GFPT2: variants seen among roughly 807,000 people sequenced by gnomAD.
GFPT2 encodes glutamine--fructose-6-phosphate transaminase 2, also known as glutamine--fructose-6-phosphate aminotransferase [isomerizing] 2.
GFPT2 carries 62 observed loss-of-function variants against 85.6 expected under a neutral mutation model. The ratio of observed to expected loss-of-function variants is 0.72; its 90% CI spans 0.59 to 0.90. The LOEUF (loss-of-function observed/expected upper bound fraction) is 0.90, where lower values mean the gene tolerates loss of function less well. GFPT2 is among the 40% of genes least tolerant of loss of function. The pLI is 0.00. For synonymous variants in GFPT2, 368 were observed against 344.5 expected (o/e 1.07, Z -0.75); for missense variants, 788 against 893.4 (o/e 0.88, Z 1.50).
chr5:180,345,572 T>C (rs1321339801), intron 1 of GFPT2, among the ~76,000 whole-genome samples: 1 of 152,268 alleles, frequency 6.6e-6, no homozygotes, highest in Non-Finnish European at 1.5e-5. Flanking sequence ...TCCAGCCACA[T>C]AGCCCTGGTT....
intron 10 of GFPT2, among the ~76,000 whole-genome samples, chr5:180,317,628 G>A (rs573203548): frequency 3.5e-5 from 5 of 144,188 alleles, no homozygotes; most frequent in Admixed American, 2.7e-4. Context: ...GCGTAGTGGC[G>A]GGCGCCTGTA....
intron 14 of GFPT2, among the ~76,000 whole-genome samples, chr5:180,313,267 G>A (rs957663575): frequency 8.6e-5 from 13 of 152,016 alleles, no homozygotes; most frequent in Non-Finnish European, 1.8e-4. Context: ...CGAAACACAG[G>A]AACGTGGCAT....
intron 3 of GFPT2, 76 bp downstream of exon 3, chr5:180,336,403 C>T (rs533479328): frequency 2.2e-5 from 18 of 830,030 alleles, no homozygotes; most frequent in African/African-American, 8.3e-5. Context: ...CTCCATTCTC[C>T]GGCGCTGTTG....
chr5:180,312,845 C>T (rs1370641854), intron 14 of GFPT2, among the ~76,000 whole-genome samples: 7 of 152,174 alleles, frequency 4.6e-5, no homozygotes, highest in South Asian at 2.1e-4. Context: ...GGCTCGATCT[C>T]GGCTCACTGC....
intron 1 of GFPT2, among the ~76,000 whole-genome samples, chr5:180,347,278 G>A (rs1264611853): frequency 6.6e-6 from 1 of 152,222 alleles, no homozygotes; most frequent in Non-Finnish European, 1.5e-5. Flanking sequence ...GATGGCCCTG[G>A]GCCAAGCATC....
intron 9 of GFPT2, among the ~76,000 whole-genome samples, chr5:180,322,624 C>CAGCTGCTAGTACTATCAGTTCTA (rs1764140431): frequency 6.6e-6 from 1 of 152,198 alleles, no homozygotes; most frequent in African/African-American, 2.4e-5. Flanking sequence ...CCTTTACTCC[C>CAGCTGCTAGTACTATCAGTTCTA]AGCTGCTAGT....
At chr5:180,308,193 T>C (rs1004302843) in intron 15 of GFPT2, among the ~76,000 whole-genome samples, 1 of 151,732 alleles carries the variant, frequency 6.6e-6, no homozygotes, top group African/African-American at 2.4e-5. Flanking sequence ...GAGGCGGAGC[T>C]TGCAGTGAGC....
At position 180,342,415 on chromosome 5, in the gene GFPT2, T is replaced by G. The variant is rs575905485; in HGVS notation, c.8-3815A>C. Among the ~76,000 whole-genome samples, 528 of 148,714 alleles carry G rather than the reference T, an allele frequency of 3.6e-3. 6 individuals carry two copies. Among genetic ancestry groups the G allele is most frequent in the African/African-American group, 0.012 (501 of 40,138 alleles). On this transcript the variant is annotated intron_variant, in intron 1 of 18. Transcript: ENST00000253778. ...TCATGTTTAGGTGAAATGTTTTTTT[T>G]TTTTTTTTTTTTGAGACAGGGTCTC...
In GFPT2 at chr5:180,338,672, GA is replaced by G. The variant is rs1370215739; in HGVS notation, c.8-73del. 4 of 885,862 alleles carry G rather than the reference GA, an allele frequency of 4.5e-6. No homozygotes were observed. The African/African-American group carries it at 6.6e-5, about 15-fold the overall frequency. 54.9% of individuals were successfully genotyped at this position (885,862 alleles called of 1,614,324 possible). ...TGTTTGGAAGAAAACGCTTCTGGGG[GA>G]TGCACCGAGGTGGCATCACAAAGGT... is the stretch of plus-strand genomic sequence containing the variant. On this transcript the variant is annotated intron_variant, in intron 1 of 18. Transcript: ENST00000253778.
intron 15 of GFPT2, among the ~76,000 whole-genome samples, chr5:180,310,792 C>T (rs1272078927): frequency 5.0e-5 from 6 of 119,796 alleles, no homozygotes; most frequent in African/African-American, 1.6e-4. Context: ...TGCTGGGTGC[C>T]GGGCACAGCC....
chr5:180,350,808 T>G (rs1764697853), intron 1 of GFPT2, among the ~76,000 whole-genome samples: 3 of 152,130 alleles, frequency 2.0e-5, no homozygotes, highest in Admixed American at 2.0e-4. Flanking sequence ...TACTGCCGAG[T>G]CCTGGCTTCC....
At chr5:180,316,292 C>A in intron 13 of GFPT2, 49 bp downstream of exon 13, 1 of 1,603,634 alleles carries the variant, frequency 6.2e-7, no homozygotes, top group South Asian at 1.1e-5. Flanking sequence ...GAGGAGAGAG[C>A]CCAGAGCTGA....
At chr5:180,317,297 G>A (rs139094917) in intron 10 of GFPT2, among the ~76,000 whole-genome samples, 134 of 152,300 alleles carry the variant, frequency 8.8e-4, no homozygotes, top group Non-Finnish European at 1.6e-3. Flanking sequence ...AGGCATGCAA[G>A]TAACAAATGG....
At position 180,313,938 on chromosome 5, in the gene GFPT2, G is replaced by A. The variant is rs746667820; in HGVS notation, c.1300C>T (p.Leu434=). 13 of 1,602,696 alleles carry A rather than the reference G, an allele frequency of 8.1e-6. No homozygotes were observed. The highest frequency in any genetic ancestry group is 1.1e-5 in the Non-Finnish European group (13 of 1,179,068). Residue 434 remains leucine, a synonymous_variant, in exon 14 of 19, where the codon CTG becomes TTG. Coordinates refer to ENST00000253778, the MANE Select transcript of GFPT2 (RefSeq NM_005110.4). ...SGETADTLLA[L]RYCKDRGALT... is the part of the protein sequence containing the mutation. ...GCGCCGCGGTCCTTACAGTAGCGCA[G>A]CGCCAGGAGGGTGTCCGCGGTCTCG...
rs967010903 is a variant in GFPT2 at position 180,330,500 on chromosome 5, C to T, written c.534+200G>A. ...GATGTTGACTACCCAAACCACAGAA[C>T]GTCTTCCAGTTCTACAAGAGTGTAA... On this transcript the variant is annotated intron_variant, in intron 6 of 18. Transcript: ENST00000253778. This position sits in a 1 kb window ranked among gnomAD's most constrained non-coding sequence, Gnocchi z 4.4. Among the ~76,000 whole-genome samples the T allele has an allele frequency of 3.9e-5, 6 of 152,158 alleles. No individual in the cohort carries two copies. Among genetic ancestry groups the T allele is most frequent in the South Asian group, 2.1e-4 (1 of 4,832 alleles).
rs1057400589 is a variant in GFPT2, at chr5:180,303,862, G to A, written c.1842+910C>T. ...ATACCTAACTTTATGCTAAGGTGACGACTCGTGGTGGGCCTGTAGATAGTT... is the reference window on the plus strand; with the variant it reads ...ATACCTAACTTTATGCTAAGGTGACAACTCGTGGTGGGCCTGTAGATAGTT... On this transcript the variant is annotated intron_variant, in intron 17 of 18. Coordinates refer to ENST00000253778, the MANE Select transcript of GFPT2 (RefSeq NM_005110.4). 1.4e-4 allele frequency among the ~76,000 whole-genome samples: 21 copies of A among 152,152 alleles called. 1 individual carries two copies.
intron 8 of GFPT2, chr5:180,324,578 G>A (rs562261733): frequency 1.4e-4 from 81 of 588,286 alleles, no homozygotes; most frequent in Non-Finnish European, 2.2e-4. Context: ...TGGCACTTTT[G>A]TGTATGTTTG....
intron 1 of GFPT2, among the ~76,000 whole-genome samples, chr5:180,351,290 C>T (rs1020613145): frequency 1.3e-5 from 2 of 152,210 alleles, no homozygotes; most frequent in African/African-American, 4.8e-5. Context: ...GATACTTAAG[C>T]AAGTGTCAGA....
intron 1 of GFPT2, among the ~76,000 whole-genome samples, chr5:180,340,214 T>C (rs1764485259): frequency 6.6e-6 from 1 of 152,132 alleles, no homozygotes; most frequent in African/African-American, 2.4e-5. Flanking sequence ...TTTTGTTGTT[T>C]TTCTTTTTTG....
Sources: gnomAD v4.1 joint callset for allele counts (sites outside exome capture counted in the v4.1 genomes callset) on GRCh38, gnomAD v4.1.1 for gene constraint, Gnocchi (gnomAD v3.1) non-coding constraint, MANE v1.5 for transcripts, NCBI Gene and HGNC (gene_info 2026-07-23, HGNC 2026-07-21) for gene names.